Variants in KCNIP1 observed in about 807,000 individuals in gnomAD.
KCNIP1 encodes the protein A-type potassium channel modulatory protein KCNIP1.
Under a neutral mutation model 33.0 loss-of-function variants are expected in KCNIP1, and 18 were observed. That is an observed-to-expected ratio of 0.55 (90% CI 0.38 to 0.81). The LOEUF (loss-of-function observed/expected upper bound fraction) is 0.81, where lower values mean the gene tolerates loss of function less well. Among genes scored for constraint, KCNIP1 ranks in the 30% least tolerant of loss-of-function variants. The probability of loss-of-function intolerance (pLI) is 0.00; values close to 1 mark genes in which losing one functional copy is unlikely to be tolerated. For synonymous variants in KCNIP1, 93 were observed against 98.3 expected, an observed-to-expected ratio of 0.95 and a Z score of 0.32; for missense variants, 238 against 271.6, an observed-to-expected ratio of 0.88 and a Z score of 0.87.
chr5:170,617,255 G>C (rs1445002580), intron 1 of KCNIP1, among the ~76,000 whole-genome samples: 2 of 152,108 alleles, frequency 1.3e-5, no homozygotes, highest in Admixed American at 6.6e-5. Context: ...TGGACAAGAA[G>C]GGTGGAGAGG....
At chr5:170,536,132 A>G (rs1360512202) in intron 1 of KCNIP1, among the ~76,000 whole-genome samples, 3 of 152,256 alleles carry the variant, frequency 2.0e-5, no homozygotes, top group Admixed American at 2.0e-4. Context: ...AAAGCCATCA[A>G]TGGAGATGAC....
intron 1 of KCNIP1, among the ~76,000 whole-genome samples, chr5:170,552,747 T>C (rs540165176): frequency 1.3e-5 from 2 of 152,348 alleles, no homozygotes; most frequent in East Asian, 3.9e-4. Flanking sequence ...TGGAGGCCAC[T>C]AGAAGGGCTT....
At chr5:170,624,446 A>G (rs1448199226) in intron 1 of KCNIP1, among the ~76,000 whole-genome samples, 1 of 151,974 alleles carries the variant, frequency 6.6e-6, no homozygotes, top group African/African-American at 2.4e-5. Flanking sequence ...CCTTTCTCCA[A>G]ACTCTATCTT....
intron 1 of KCNIP1, chr5:170,378,717 G>T: frequency 6.2e-7 from 1 of 1,611,252 alleles, no homozygotes; most frequent in Non-Finnish European, 8.5e-7. Context: ...CTTCTGGGCC[G>T]CCAGGATGGA....
At chr5:170,454,879 A>G (rs1170484077) in intron 1 of KCNIP1, among the ~76,000 whole-genome samples, 2 of 152,206 alleles carry the variant, frequency 1.3e-5, no homozygotes, top group African/African-American at 4.8e-5. Context: ...TTAAAAAAAT[A>G]TTGTTCTTAA....
At chr5:170,467,990 T>C (rs1756645353) in intron 1 of KCNIP1, among the ~76,000 whole-genome samples, 2 of 150,144 alleles carry the variant, frequency 1.3e-5, no homozygotes, top group Non-Finnish European at 3.0e-5. Context: ...TCTATTAAGA[T>C]ATTTGTGCTT....
rs1581325901 is a variant in KCNIP1 at position 170,560,342 on chromosome 5, C to T, written c.61+55709C>T. ...GGCTGAGAGCATACATGCATTGGGT[C>T]AGGTTTCAGATCTGCTGGAGGAACA... On this transcript the variant is annotated intron_variant, in intron 1 of 7. Transcript: ENST00000328939. Among the ~76,000 whole-genome samples, 3 of 152,314 alleles carry T rather than the reference C, an allele frequency of 2.0e-5. 1 individual carries two copies. The highest frequency in any genetic ancestry group is 2.0e-4 in the Admixed American group (3 of 15,294).
chr5:170,672,487 C>T (rs1761963101), intron 1 of KCNIP1, among the ~76,000 whole-genome samples: 1 of 152,264 alleles, frequency 6.6e-6, no homozygotes, highest in Non-Finnish European at 1.5e-5. Context: ...TTCAGTGTGG[C>T]TGACCTTGCT....
intron 1 of KCNIP1, among the ~76,000 whole-genome samples, chr5:170,619,414 G>T (rs541177824): frequency 2.0e-5 from 3 of 152,294 alleles, no homozygotes; most frequent in Admixed American, 2.0e-4. Flanking sequence ...GGTATGAGAT[G>T]TAAGACCCCG....
At position 170,682,784 on chromosome 5, in the gene KCNIP1, C is replaced by CTTTTTTTTTTTTTTTT. The variant is rs70979196; in HGVS notation, c.62-35964_62-35949dup. Among the ~76,000 whole-genome samples the CTTTTTTTTTTTTTTTT allele has an allele frequency of 5.2e-3, 374 of 71,392 alleles. 38 individuals carry two copies. The highest frequency in any genetic ancestry group is 0.012 in the African/African-American group (204 of 17,272). 46.8% of individuals were successfully genotyped at this position (71,392 alleles called of 152,430 possible). Reference sequence around the variant, plus strand: ...CAACAGCGTCCTATTTTCTTTGTTTCTTTTTTTTTTTTTTTTTTTTTTTTT... The same window carrying CTTTTTTTTTTTTTTTT: ...CAACAGCGTCCTATTTTCTTTGTTTCTTTTTTTTTTTTTTTTTTTTTTTTTTTTTTTTTTTTTTTTT... On this transcript the variant is annotated intron_variant, in intron 1 of 7. Transcript: ENST00000328939.
At chr5:170,523,983 G>A (rs2113318028) in intron 1 of KCNIP1, among the ~76,000 whole-genome samples, 1 of 152,216 alleles carries the variant, frequency 6.6e-6, no homozygotes, top group Admixed American at 6.5e-5. Context: ...CTTGGCTCCT[G>A]CCTGTTCTCC....
intron 1 of KCNIP1, among the ~76,000 whole-genome samples, chr5:170,526,096 C>A (rs893194496): frequency 1.3e-5 from 2 of 152,216 alleles, no homozygotes; most frequent in African/African-American, 4.8e-5. Flanking sequence ...GGTCATCAGG[C>A]ACTTTCGCCT....
At chr5:170,418,330 C>T (rs78882378) in intron 1 of KCNIP1, among the ~76,000 whole-genome samples, 16,115 of 152,224 alleles carry the variant, frequency 0.11, 1,051 homozygotes, top group Middle Eastern at 0.22. Context: ...ACTGGGGAGG[C>T]TGAGGCAGGA....
chr5:170,535,050 C>A (rs919077508), intron 1 of KCNIP1, among the ~76,000 whole-genome samples: 1 of 152,198 alleles, frequency 6.6e-6, no homozygotes, highest in Admixed American at 6.5e-5. Flanking sequence ...TGGCTGCAGA[C>A]CCTATTGTAG....
intron 1 of KCNIP1, among the ~76,000 whole-genome samples, chr5:170,555,950 T>C (rs1030059677): frequency 1.3e-5 from 2 of 152,200 alleles, no homozygotes; most frequent in Non-Finnish European, 2.9e-5. Flanking sequence ...CCAGCCTGGC[T>C]TCCAGGTACC....
At chr5:170,386,730 A>G (rs572936957) in intron 1 of KCNIP1, among the ~76,000 whole-genome samples, 59 of 152,024 alleles carry the variant, frequency 3.9e-4, no homozygotes, top group Non-Finnish European at 7.5e-4. Flanking sequence ...CAAGCAAAGA[A>G]AGAAGAAAGA....
intron 1 of KCNIP1, among the ~76,000 whole-genome samples, chr5:170,691,622 A>G (rs1437646059): frequency 6.6e-6 from 1 of 152,222 alleles, no homozygotes; most frequent in Non-Finnish European, 1.5e-5. Flanking sequence ...GGGCACAGAG[A>G]GGGAATGACT....
chr5:170,722,805 A>G lies in KCNIP1; in HGVS notation c.420A>G (p.Gly140=), dbSNP rs1248362245. The part of the protein sequence containing the change: ...TFNLYDINKD[G]YINKEEMMDI... ...ATTTGTATGACATCAACAAGGACGG[A>G]TACATAAACAAAGAGGTAAGTGAGC... Residue 140 remains glycine, a synonymous_variant, in exon 5 of 8, where the codon GGA becomes GGG. Transcript: ENST00000328939. 6.2e-7 allele frequency: 1 copy of G among 1,611,946 alleles called. No homozygotes were observed. The highest frequency in any genetic ancestry group is 1.1e-5 in the South Asian group (1 of 90,988).
At chr5:170,569,272 A>T (rs919158659) in intron 1 of KCNIP1, among the ~76,000 whole-genome samples, 1 of 152,206 alleles carries the variant, frequency 6.6e-6, no homozygotes, top group African/African-American at 2.4e-5. Context: ...AGGTCGATGG[A>T]GCTCCCAAAA....
Sources: allele counts gnomAD v4.1 joint callset (sites outside exome capture counted in the v4.1 genomes callset), GRCh38; gene constraint gnomAD v4.1.1; transcripts MANE v1.5; gene names NCBI Gene and HGNC (gene_info 2026-07-23, HGNC 2026-07-21).